The following ABCC8 variants were observed in gnomAD, a reference collection of about 807,000 sequenced individuals.
The protein encoded by ABCC8 is ATP-binding cassette sub-family C member 8.
In ABCC8, 137 loss-of-function variants were observed where a neutral mutation model predicts 188.0. The observed-to-expected ratio is 0.73, with a 90% CI of 0.63 to 0.84. The LOEUF (loss-of-function observed/expected upper bound fraction) is 0.84. ABCC8 is among the 40% of genes least tolerant of loss of function. The probability of loss-of-function intolerance (pLI) is 0.00; values close to 1 mark genes in which losing one functional copy is unlikely to be tolerated. For synonymous variants in ABCC8, 797 were observed against 846.5 expected (o/e 0.94, Z 1.01); for missense variants, 1,750 against 2,072.7 (o/e 0.84, Z 3.02).
intron 10 of ABCC8, among the ~76,000 whole-genome samples, chr11:17,440,718 C>T (rs1956282326): frequency 6.6e-6 from 1 of 152,248 alleles, no homozygotes; most frequent in Non-Finnish European, 1.5e-5. Context: ...GGACCACATT[C>T]CCTGCCTGAG....
chr11:17,395,122 A>G, intron 36 of ABCC8, 50 bp downstream of exon 36: 1 of 1,550,384 alleles, frequency 6.5e-7, no homozygotes, highest in Non-Finnish European at 8.7e-7. Flanking sequence ...CCATCCTTAC[A>G]GGGTCCTTGA....
At chr11:17,396,714 G>T in intron 33 of ABCC8, 1 of 656,422 alleles carries the variant, frequency 1.5e-6, no homozygotes. Context: ...GACAAGGCCT[G>T]AGGGCAGCAC....
intron 16 of ABCC8, among the ~76,000 whole-genome samples, chr11:17,423,727 C>T (rs952307875): frequency 3.3e-5 from 5 of 152,152 alleles, no homozygotes; most frequent in African/African-American, 1.2e-4. Context: ...GCTGTGAGGA[C>T]CCACGTGGCA....
rs1270092690 is a variant in ABCC8, at chr11:17,396,991, G to A, written c.4044C>T (p.Asn1348=). The change falls in exon 33 of 39, where the codon AAC becomes AAT. Residue 1348 remains asparagine (N), a synonymous_variant. Coordinates refer to ENST00000389817, the MANE Select transcript of ABCC8 (RefSeq NM_000352.6). The part of the protein sequence containing the change: ...WPDQGKIQIQ[N]LSVRYDSSLK... ...GGGAGCTGTCGTAGCGCACGCTCAG[G>A]TTCTGGATCTGGATCTTCCCTTGGT... 2.5e-6 allele frequency: 4 copies of A among 1,614,098 alleles called. No individual in the cohort carries two copies. The highest frequency in any genetic ancestry group is 1.7e-5 in the Admixed American group (1 of 60,014).
rs572134560 is a variant in ABCC8, at chr11:17,397,756, G to A, written c.3795C>T (p.Thr1265=). 6.2e-7 allele frequency: 1 copy of A among 1,613,884 alleles called. No homozygotes were observed. Among genetic ancestry groups the A allele is most frequent in the Non-Finnish European group, 8.5e-7 (1 of 1,179,996 alleles). The part of the protein sequence containing the change: ...GACVVLIAAV[T]SISNSLHREL... ...CCCTGTGCAGGGAGTTGGAGATGGA[G>A]GTCACCGCTGCGATGAGCACCACAC... The change falls in exon 31 of 39, where the codon ACC becomes ACT. Residue 1265 remains threonine (T), a synonymous_variant. Transcript: ENST00000389817.
In ABCC8 at chr11:17,428,232, C is replaced by T. The variant is rs111758561; in HGVS notation, c.2040+57G>A. The T allele has an allele frequency of 2.7e-4, 431 of 1,611,424 alleles. 1 individual carries two copies. In the African/African-American group the frequency reaches 4.5e-3, roughly 17 times the overall value. ...ATGCAGCTTTCTGGCTTTCCAGGTG[C>T]TGAGCTCCCTCTGGGAGTTGGTGCT... On this transcript the variant is annotated intron_variant, in intron 14 of 38. Coordinates refer to ENST00000389817, the MANE Select transcript of ABCC8 (RefSeq NM_000352.6).
chr11:17,398,163 G>C (rs896694144), intron 30 of ABCC8, among the ~76,000 whole-genome samples, 176 bp downstream of exon 30: 1 of 152,186 alleles, frequency 6.6e-6, no homozygotes, highest in Admixed American at 6.5e-5. Flanking sequence ...CAGTGATATG[G>C]GGAAAAGGAG....
intron 11 of ABCC8, 123 bp from the exon 12 acceptor site, chr11:17,431,082 T>G: frequency 6.8e-7 from 1 of 1,472,466 alleles, no homozygotes; most frequent in South Asian, 1.3e-5. Flanking sequence ...TAAGAGGATC[T>G]TTTAGTTGGA....
intron 10 of ABCC8, among the ~76,000 whole-genome samples, chr11:17,438,154 A>G (rs1353440481): frequency 6.6e-6 from 1 of 152,244 alleles, no homozygotes; most frequent in Non-Finnish European, 1.5e-5. Flanking sequence ...AAGGGGCACC[A>G]GGTCTCCAGG....
intron 6 of ABCC8, among the ~76,000 whole-genome samples, chr11:17,457,593 G>A (rs1957041018): frequency 1.3e-5 from 2 of 152,214 alleles, no homozygotes; most frequent in South Asian, 4.1e-4. Flanking sequence ...CAGATTGGGA[G>A]TAGGGGTTGG....
chr11:17,463,286 G>T, intron 4 of ABCC8, 152 bp downstream of exon 4: 2 of 674,184 alleles, frequency 3.0e-6, no homozygotes, highest in South Asian at 1.8e-5. Flanking sequence ...TGAAATTTCC[G>T]CCACGGCCCC....
chr11:17,436,865 G>A (rs1956119881), intron 10 of ABCC8, among the ~76,000 whole-genome samples: 1 of 152,154 alleles, frequency 6.6e-6, no homozygotes. Flanking sequence ...AAGGTGGGTG[G>A]ATCACCTGAG....
chr11:17,455,390 G>T (rs541189430), intron 6 of ABCC8, among the ~76,000 whole-genome samples: 1 of 152,088 alleles, frequency 6.6e-6, no homozygotes, highest in African/African-American at 2.4e-5. Context: ...TATACTCGTC[G>T]GTATTTGTGC....
chr11:17,469,700 C>T (rs1848371935), intron 3 of ABCC8, among the ~76,000 whole-genome samples: 1 of 152,204 alleles, frequency 6.6e-6, no homozygotes, highest in Non-Finnish European at 1.5e-5. Context: ...GCTTTGCCCA[C>T]AGTGACATCT....
chr11:17,404,404 T>G lies in ABCC8; in HGVS notation c.3557+108A>C. 3 of 1,196,092 alleles carry G rather than the reference T, an allele frequency of 2.5e-6. No homozygotes were observed. The highest frequency in any genetic ancestry group is 3.7e-6 in the Non-Finnish European group (3 of 803,508). The allele number at this position is 1,196,092 out of a possible 1,614,324, so 74.1% of individuals were successfully genotyped here. ...CCTTCATTTCTGTTTTTTGTTTTTA[T>G]TTTTTGGAGGGAACACGACCCTATT... is the stretch of plus-strand genomic sequence containing the variant. On this transcript the variant is annotated intron_variant, in intron 28 of 38. Transcript: ENST00000389817. This position sits in a 1 kb window ranked among gnomAD's most constrained non-coding sequence, Gnocchi z 4.7.
At chr11:17,414,430 A>T (rs754583146) in intron 19 of ABCC8, 82 bp downstream of exon 19, 30 of 1,567,610 alleles carry the variant, frequency 1.9e-5, no homozygotes, top group Non-Finnish European at 2.6e-5. Flanking sequence ...TGGGTGATCG[A>T]TGGAGGGGCC....
chr11:17,394,523 C>T lies in ABCC8; in HGVS notation c.4412-124G>A. ...TGGGGGCAAATAGGTGGGTGTGTGT[C>T]CAAGAGCACAGGCGTGTGCAGGGCT... On this transcript the variant is annotated intron_variant, in intron 36 of 38. Transcript: ENST00000389817. 3 of 1,522,456 alleles carry T rather than the reference C, an allele frequency of 2.0e-6. No individual in the cohort carries two copies. In the Admixed American group the frequency reaches 5.5e-5, roughly 28 times the overall value. 94.3% of individuals were successfully genotyped at this position (1,522,456 alleles called of 1,614,324 possible).
intron 10 of ABCC8, among the ~76,000 whole-genome samples, chr11:17,437,551 G>C (rs1956154735): frequency 6.6e-6 from 1 of 152,348 alleles, no homozygotes; most frequent in African/African-American, 2.4e-5. Context: ...TGCATTTTGA[G>C]GTGCACGGGG....
chr11:17,399,952 TCAGAC>T, intron 29 of ABCC8, among the ~76,000 whole-genome samples: 1 of 152,318 alleles, frequency 6.6e-6, no homozygotes, highest in Non-Finnish European at 1.5e-5. Flanking sequence ...GCCGCTTCCC[TCAGAC>T]CTTGCTGACG....
Sources: allele counts gnomAD v4.1 joint callset (sites outside exome capture counted in the v4.1 genomes callset), GRCh38; gene constraint gnomAD v4.1.1; non-coding constraint Gnocchi (gnomAD v3.1); transcripts MANE v1.5; gene names NCBI Gene and HGNC (gene_info 2026-07-23, HGNC 2026-07-21).